KDM6A: variants seen among roughly 807,000 people sequenced by gnomAD.
The protein encoded by KDM6A is lysine-specific demethylase 6A.
A neutral mutation model predicts 117.6 loss-of-function variants in KDM6A; 11 were observed. The ratio of observed to expected loss-of-function variants is 0.09; its 90% confidence interval spans 0.06 to 0.15. The LOEUF is 0.15. Ranked by LOEUF, KDM6A falls within the 10% of genes least tolerant of loss-of-function variation. The pLI, the probability that KDM6A is intolerant of heterozygous loss-of-function variation, is 1.00. For synonymous variants in KDM6A, 384 were observed against 396.1 expected (o/e 0.97, Z 0.36); for missense variants, 799 against 1,077.3 (o/e 0.74, Z 3.62).
intron 6 of KDM6A, among the ~76,000 whole-genome samples, chrX:45,026,703 C>T (rs1181712637): frequency 1.9e-5 from 2 of 106,543 alleles, no homozygotes; most frequent in East Asian, 2.9e-4. Flanking sequence ...CATGGTGGCG[C>T]GCCTGTAGTC....
Position 44,873,427 on chromosome X carries a change from C to G in KDM6A, c.-125C>G. On this transcript the variant is annotated 5_prime_UTR_variant, in exon 1 of 30. Transcript: ENST00000611820. Reference sequence around the variant, plus strand: ...GTTGGGATTTTTCGTCGCCGCCGCCCGCGGCGGAGGAGGAGGCGGCGATAA... The same window carrying G: ...GTTGGGATTTTTCGTCGCCGCCGCCGGCGGCGGAGGAGGAGGCGGCGATAA... The G allele has an allele frequency of 1.0e-6, 1 of 987,207 alleles. No individual in the cohort carries two copies. The highest frequency in any genetic ancestry group is 3.4e-5 in the East Asian group (1 of 29,719). The allele number at this position is 987,207 out of a possible 1,213,427, so 81.4% of individuals were successfully genotyped here. A position where few individuals can be genotyped will look rare whatever the true frequency, so the allele number is the denominator to read the frequency against.
intron 2 of KDM6A, among the ~76,000 whole-genome samples, chrX:44,913,749 T>TAC (rs1569420753): frequency 9.0e-6 from 1 of 110,639 alleles, no homozygotes; most frequent in Non-Finnish European, 1.9e-5. Context: ...TGTGCGTATA[T>TAC]ATATATATAT....
At chrX:44,886,706 G>A (rs1000554465) in intron 2 of KDM6A, among the ~76,000 whole-genome samples, 1 of 108,060 alleles carries the variant, frequency 9.3e-6, no homozygotes, top group Non-Finnish European at 1.9e-5. Flanking sequence ...GGCCAGGCTG[G>A]TCTTGAACTC....
intron 12 of KDM6A, 144 bp from the exon 13 acceptor site, chrX:45,059,878 T>C: frequency 1.1e-6 from 1 of 880,019 alleles, no homozygotes; most frequent in South Asian, 2.4e-5. Flanking sequence ...TTACCCTGTT[T>C]ATACTTAGTG....
intron 2 of KDM6A, among the ~76,000 whole-genome samples, chrX:44,906,306 C>G (rs749798818): frequency 1.8e-5 from 2 of 110,221 alleles, no homozygotes; most frequent in African/African-American, 6.6e-5. Flanking sequence ...ATGTACCACG[C>G]CTGGCTAATT....
rs34006049 is a variant in KDM6A at position 44,958,604 on chromosome X, C to CTTTTTTTTTTTTT, written c.226-2667_226-2655dup. The stretch of plus-strand genomic sequence containing the variant: ...TTCTGTGTGGGACAACTATATAGAC[C>CTTTTTTTTTTTTT]TTTTTTTTTTTTTTTTTTTTTTTTT... On this transcript the variant is annotated intron_variant, in intron 2 of 29. Coordinates refer to ENST00000611820, the MANE Select transcript of KDM6A (RefSeq NM_001291415.2). Among the ~76,000 whole-genome samples, 25 of 56,451 alleles carry CTTTTTTTTTTTTT rather than the reference C, an allele frequency of 4.4e-4. 3 individuals carry two copies. Among genetic ancestry groups the CTTTTTTTTTTTTT allele is most frequent in the African/African-American group, 2.2e-3 (22 of 9,855 alleles). 49.0% of individuals were successfully genotyped at this position (56,451 alleles called of 115,157 possible).
At position 44,966,307 on chromosome X, in the gene KDM6A, AT is replaced by A. The variant is rs1169889718; in HGVS notation, c.334+4921del. 2.8e-5 allele frequency among the ~76,000 whole-genome samples: 3 copies of A among 108,828 alleles called. No individual in the cohort carries two copies. The East Asian group carries it at 8.6e-4, about 31-fold the overall frequency. 94.5% of individuals were successfully genotyped at this position (108,828 alleles called of 115,157 possible). On this transcript the variant is annotated intron_variant, in intron 3 of 29. Transcript: ENST00000611820. ...GAGGTGCGCGCCACCACGCCTAACT[AT>A]TTTTTGTACTTTTTTTAGAGACAGA...
chrX:45,078,179 A>G (rs1472630523), intron 19 of KDM6A, among the ~76,000 whole-genome samples: 1 of 112,147 alleles, frequency 8.9e-6, no homozygotes, highest in Non-Finnish European at 1.9e-5. Flanking sequence ...TTTCTCCTAC[A>G]TATTTTTGTC....
intron 2 of KDM6A, among the ~76,000 whole-genome samples, chrX:44,952,271 CTTTT>C (rs35385542): frequency 1.1e-4 from 10 of 89,931 alleles, no homozygotes; most frequent in African/African-American, 4.1e-4. Context: ...TTCTACTGAC[CTTTT>C]TTTTTTTTTT....
rs768455218 is a variant in KDM6A at position 44,987,187 on chromosome X, T to G, written c.384+12472T>G. ...GTAATGGCCTTGTCTCTTTTGATCT[T>G]TGTTGGTTTAAAGTCTGTTTTATCA... On this transcript the variant is annotated intron_variant, in intron 4 of 29. Transcript: ENST00000611820. Among the ~76,000 whole-genome samples the G allele has an allele frequency of 3.6e-5, 4 of 111,808 alleles. No homozygotes were observed. In the East Asian group the frequency reaches 1.1e-3, roughly 31 times the overall value.
intron 4 of KDM6A, among the ~76,000 whole-genome samples, chrX:44,995,791 C>A (rs2040837599): frequency 9.0e-6 from 1 of 111,583 alleles, no homozygotes; most frequent in Non-Finnish European, 1.9e-5. Context: ...TTAAAAAATC[C>A]TTTGTGCTTT....
intron 2 of KDM6A, among the ~76,000 whole-genome samples, chrX:44,945,482 G>A (rs1469813471): frequency 2.7e-5 from 3 of 110,442 alleles, no homozygotes; most frequent in Admixed American, 9.8e-5. Flanking sequence ...CTTATAGAGT[G>A]GATGATTGAG....
intron 5 of KDM6A, among the ~76,000 whole-genome samples, chrX:45,015,034 C>A (rs1015947674): frequency 8.9e-6 from 1 of 112,078 alleles, no homozygotes; most frequent in African/African-American, 3.2e-5. Context: ...TTCAGAAAGA[C>A]AGAAATATTA....
At position 45,088,792 on chromosome X, in the gene KDM6A, T is replaced by C. The variant is rs768014328; in HGVS notation, c.3705-951T>C. ...GTTTAAAAAGTACTTCATATCATGA[T>C]GGAGAATAAGAAGCCAGATATTAAA... On this transcript the variant is annotated intron_variant, in intron 25 of 29. Coordinates refer to ENST00000611820, the MANE Select transcript of KDM6A (RefSeq NM_001291415.2). Among the ~76,000 whole-genome samples, 3 of 113,037 alleles carry C rather than the reference T, an allele frequency of 2.7e-5. No individual in the cohort carries two copies. In the South Asian group the frequency reaches 1.1e-3, roughly 40 times the overall value.
chrX:45,042,078 C>T (rs1451665644), intron 8 of KDM6A, among the ~76,000 whole-genome samples: 2 of 110,031 alleles, frequency 1.8e-5, no homozygotes, highest in Admixed American at 9.5e-5. Context: ...AGCAAAACCC[C>T]CTCTCCACCA....
At chrX:44,894,640 C>G (rs1260417984) in intron 2 of KDM6A, among the ~76,000 whole-genome samples, 1 of 103,215 alleles carries the variant, frequency 9.7e-6, no homozygotes, top group Non-Finnish European at 2.0e-5. Flanking sequence ...TTTTTTGAGA[C>G]AGTCTTGTTT....
intron 2 of KDM6A, among the ~76,000 whole-genome samples, chrX:44,930,356 G>A (rs1301087112): frequency 9.0e-6 from 1 of 111,395 alleles, no homozygotes; most frequent in African/African-American, 3.3e-5. Context: ...CAGAATATTA[G>A]TTTTTGTTTA....
intron 3 of KDM6A, among the ~76,000 whole-genome samples, chrX:44,972,118 T>C (rs1369093085): frequency 1.8e-5 from 2 of 111,495 alleles, no homozygotes; most frequent in African/African-American, 3.3e-5. Context: ...AACAACTTGG[T>C]CACTAGTGAA....
At chrX:44,878,046 A>G (rs2146490377) in intron 2 of KDM6A, among the ~76,000 whole-genome samples, 1 of 111,534 alleles carries the variant, frequency 9.0e-6, no homozygotes, top group African/African-American at 3.3e-5. Flanking sequence ...ATTCTCATTT[A>G]TGTGTGTTTT....
Sources: allele counts gnomAD v4.1 joint callset (sites outside exome capture counted in the v4.1 genomes callset), GRCh38; gene constraint gnomAD v4.1.1; transcripts MANE v1.5; gene names NCBI Gene and HGNC (gene_info 2026-07-23, HGNC 2026-07-21).